The following SURF4 variants were observed in gnomAD, a reference collection of about 807,000 sequenced individuals.
SURF4 encodes the protein surfeit 4, also known as surfeit locus protein 4.
SURF4 carries 3 observed loss-of-function variants against 30.0 expected under a neutral mutation model. That is an observed-to-expected ratio of 0.10 (90% CI 0.05 to 0.26). SURF4 has a LOEUF of 0.26. Ranked by LOEUF, SURF4 falls within the 10% of genes least tolerant of loss-of-function variation. The probability of loss-of-function intolerance (pLI) is 1.00; values close to 1 mark genes in which losing one functional copy is unlikely to be tolerated. For synonymous variants in SURF4, 143 were observed against 139.9 expected, an observed-to-expected ratio of 1.02 and a Z score of -0.16; for missense variants, 217 against 350.8, an observed-to-expected ratio of 0.62 and a Z score of 3.05.
intron 3 of SURF4, 48 bp from the exon 4 acceptor site, chr9:133,366,076 G>T: frequency 6.3e-7 from 1 of 1,583,894 alleles, no homozygotes; most frequent in Non-Finnish European, 8.7e-7. Context: ...CTTTCCAAAG[G>T]CATTTCCACA....
chr9:133,372,354 G>T (rs2130196590), intron 1 of SURF4, among the ~76,000 whole-genome samples: 4 of 152,248 alleles, frequency 2.6e-5, no homozygotes, highest in Admixed American at 2.0e-4. Flanking sequence ...CAACCAAGCA[G>T]TGAGGAACCC....
Position 133,367,338 on chromosome 9 carries a change from G to A in SURF4, c.156C>T (p.Arg52=), listed in dbSNP as rs201919742. ...IRMWFQWSEQ[R]DYIDTTWNCG... ...AGTTCCAGGTGGTGTCGATGTAGTC[G>A]CGCTGCTCGCTCCACTGGAACCACA... Residue 52 remains arginine, a synonymous_variant, in exon 2 of 6, where the codon CGC becomes CGT. Transcript: ENST00000371989. 42 of 1,614,132 alleles carry A rather than the reference G, an allele frequency of 2.6e-5. No homozygotes were observed. Among genetic ancestry groups the A allele is most frequent in the South Asian group, 1.1e-4 (10 of 91,092 alleles).
chr9:133,364,758 G>C (rs1837061947), intron 5 of SURF4, 82 bp downstream of exon 5: 10 of 1,412,692 alleles, frequency 7.1e-6, no homozygotes, highest in South Asian at 1.2e-5. Flanking sequence ...TACCCAACCA[G>C]GGAGGGGTGA....
chr9:133,371,021 G>A, intron 1 of SURF4: 1 of 1,278,670 alleles, frequency 7.8e-7, no homozygotes, highest in Non-Finnish European at 1.0e-6. Flanking sequence ...CGACTGAAGG[G>A]GATTTTAGAA....
At position 133,363,854 on chromosome 9, in the gene SURF4, C is replaced by T. The variant is rs2130094670; in HGVS notation, c.544-95G>A. Reference sequence around the variant, plus strand: ...CCAGCTGCTGCACGTCATGAAGTCTCTATCCATCAGGCTGATGTAGCTACT... The same window carrying T: ...CCAGCTGCTGCACGTCATGAAGTCTTTATCCATCAGGCTGATGTAGCTACT... On this transcript the variant is annotated intron_variant, in intron 5 of 5. Transcript: ENST00000371989. The surrounding 1 kb of genome is among the most constrained non-coding windows in gnomAD (Gnocchi z 4.3). 3 of 1,491,142 alleles carry T rather than the reference C, an allele frequency of 2.0e-6. No individual in the cohort carries two copies. In the South Asian group the frequency reaches 3.5e-5, roughly 17 times the overall value. 92.4% of individuals were successfully genotyped at this position (1,491,142 alleles called of 1,614,324 possible).
intron 4 of SURF4, 47 bp from the exon 5 acceptor site, chr9:133,365,073 G>C (rs1490380102): frequency 2.1e-6 from 3 of 1,461,424 alleles, no homozygotes; most frequent in Non-Finnish European, 2.7e-6. Flanking sequence ...ACCAGGATCT[G>C]GCCTGTCTGT....
At chr9:133,371,214 G>T (rs1837486686) in intron 1 of SURF4, 1 of 840,720 alleles carries the variant, frequency 1.2e-6, no homozygotes, top group African/African-American at 1.8e-5. Context: ...AAAAAGGCAG[G>T]TCAGATTTCC....
chr9:133,377,222 T>TA (rs2130253101), upstream of SURF4, among the ~76,000 whole-genome samples: 8,768 of 150,934 alleles, frequency 0.058, 345 homozygotes, highest in Non-Finnish European at 0.088. Context: ...TTTTTCAGAT[T>TA]AAAAAAAAAT....
chr9:133,365,763 G>C (rs1837134007), intron 4 of SURF4, among the ~76,000 whole-genome samples: 1 of 152,126 alleles, frequency 6.6e-6, no homozygotes, highest in Non-Finnish European at 1.5e-5. Flanking sequence ...GAAATGCTTA[G>C]GACCCAAAGT....
chr9:133,374,313 G>A (rs1564369558), intron 1 of SURF4, among the ~76,000 whole-genome samples: 1 of 152,148 alleles, frequency 6.6e-6, no homozygotes, highest in African/African-American at 2.4e-5. Context: ...AGCACTTTGG[G>A]AGGCTGAGGT....
chr9:133,363,357 T>C lies in SURF4; in HGVS notation c.*136A>G. 7.2e-7 allele frequency: 1 copy of C among 1,398,336 alleles called. No individual in the cohort carries two copies. The highest frequency in any genetic ancestry group is 1.0e-6 in the Non-Finnish European group (1 of 1,003,040). 86.6% of individuals were successfully genotyped at this position (1,398,336 alleles called of 1,614,324 possible). A position where few individuals can be genotyped will look rare whatever the true frequency, so the allele number is the denominator to read the frequency against. On this transcript the variant is annotated 3_prime_UTR_variant, in exon 6 of 6. Coordinates refer to ENST00000371989, the MANE Select transcript of SURF4 (RefSeq NM_033161.4). The surrounding 1 kb of genome is among the most constrained non-coding windows in gnomAD (Gnocchi z 4.3). ...TCTCAGGTGTCTCTGCAAATAAAGT[T>C]CTCAAAACATCTGTGCCTTTACCAA...
upstream of SURF4, chr9:133,376,223 C>T: frequency 7.8e-7 from 1 of 1,283,036 alleles, no homozygotes; most frequent in African/African-American, 1.6e-5. Context: ...GCCACGCCCG[C>T]CGCGCTCGAC....
intron 5 of SURF4, 78 bp downstream of exon 5, chr9:133,364,762 G>T: frequency 7.0e-7 from 1 of 1,431,162 alleles, no homozygotes; most frequent in Non-Finnish European, 9.7e-7. Flanking sequence ...CAACCAGGGA[G>T]GGGTGAGCAG....
Position 133,375,948 on chromosome 9 carries a change from C to G in SURF4, c.22G>C (p.Gly8Arg). The G allele has an allele frequency of 8.1e-7, 1 of 1,234,336 alleles. No individual in the cohort carries two copies. The highest frequency in any genetic ancestry group is 1.0e-6 in the Non-Finnish European group (1 of 984,556). 76.5% of individuals were successfully genotyped at this position (1,234,336 alleles called of 1,614,324 possible). ...TGGTCGGCGAAGTCCTCGGCCGTGC[C>G]CATCAGGTCGTTCTGGCCCATGGCG... Reference protein sequence around the residue: MGQNDLMGTAEDFADQFL... With the variant: MGQNDLMRTAEDFADQFL... Residue 8 changes from glycine (G) to arginine (R), a missense_variant, in exon 1 of 6, where the codon GGC (glycine) becomes CGC (arginine). By Grantham distance (125) the Gly-to-Arg change is moderately radical. Coordinates refer to ENST00000371989, the MANE Select transcript of SURF4 (RefSeq NM_033161.4).
chr9:133,373,785 T>G (rs992249642), intron 1 of SURF4, among the ~76,000 whole-genome samples: 2 of 148,774 alleles, frequency 1.3e-5, no homozygotes, highest in Non-Finnish European at 3.0e-5. Flanking sequence ...CTGGGCGTGG[T>G]GGCAGGCGCC....
At chr9:133,375,727 G>A (rs1025361712) in intron 1 of SURF4, among the ~76,000 whole-genome samples, 195 bp downstream of exon 1, 3 of 152,116 alleles carry the variant, frequency 2.0e-5, no homozygotes, top group African/African-American at 4.8e-5. Context: ...CCAGCGGGCA[G>A]GGGAGACTGG....
chr9:133,363,519 T>C lies in SURF4; in HGVS notation c.784A>G (p.Met262Val), dbSNP rs2130087853. The stretch of plus-strand genomic sequence containing the variant: ...TACCACTCCTTCTTCTTCTCATCCA[T>C]GGAGACACCCCCAGGGCCCAGGGCC... ...VVALGPGGVS[M>V]DEKKKEW is the part of the protein sequence containing the mutation. The change falls in exon 6 of 6, where the codon ATG becomes GTG. Residue 262 changes from methionine to valine, a missense_variant. Coordinates refer to ENST00000371989, the MANE Select transcript of SURF4 (RefSeq NM_033161.4). This position sits in a 1 kb window ranked among gnomAD's most constrained non-coding sequence, Gnocchi z 4.3. 1.6e-5 allele frequency: 26 copies of C among 1,614,042 alleles called. No individual in the cohort carries two copies. Among genetic ancestry groups the C allele is most frequent in the Admixed American group, 1.3e-4 (8 of 59,988 alleles).
In SURF4 at chr9:133,366,530, G is replaced by A. The variant is rs2130127022; in HGVS notation, c.312+69C>T. 58 of 1,535,240 alleles carry A rather than the reference G, an allele frequency of 3.8e-5. No individual in the cohort carries two copies. The African/African-American group carries it at 5.2e-4, about 14-fold the overall frequency. ...GGGGGAGTGACACTGAACCCTCAAGGATGTCTTTTCAGAAGCTCTGCTCCA... is the reference window on the plus strand; with the variant it reads ...GGGGGAGTGACACTGAACCCTCAAGAATGTCTTTTCAGAAGCTCTGCTCCA... On this transcript the variant is annotated intron_variant, in intron 3 of 5. Transcript: ENST00000371989.
In SURF4 at chr9:133,363,208, G is replaced by A. The variant is rs2130082854; in HGVS notation, c.*285C>T. 2.4e-5 allele frequency: 15 copies of A among 615,736 alleles called. No individual in the cohort carries two copies. Among genetic ancestry groups the A allele is most frequent in the South Asian group, 1.4e-4 (7 of 51,178 alleles). 38.1% of individuals were successfully genotyped at this position (615,736 alleles called of 1,614,324 possible). ...AAAAACTCAAAAATAGGACTGAGAT[G>A]CCACAGCCAAGCGGGCTGTTCACTC... On this transcript the variant is annotated 3_prime_UTR_variant, in exon 6 of 6. Coordinates refer to ENST00000371989, the MANE Select transcript of SURF4 (RefSeq NM_033161.4). This position sits in a 1 kb window ranked among gnomAD's most constrained non-coding sequence, Gnocchi z 4.3.
Sources: gnomAD v4.1 joint callset for allele counts (sites outside exome capture counted in the v4.1 genomes callset) on GRCh38, gnomAD v4.1.1 for gene constraint, Gnocchi (gnomAD v3.1) non-coding constraint, MANE v1.5 for transcripts, NCBI Gene and HGNC (gene_info 2026-07-23, HGNC 2026-07-21) for gene names.